The following KLRG1 variants were observed in gnomAD, a reference collection of about 807,000 sequenced individuals.
KLRG1 encodes the protein killer cell lectin like receptor G1.
KLRG1 carries 16 observed loss-of-function variants against 21.8 expected under a neutral mutation model. The ratio of observed to expected loss-of-function variants is 0.73; its 90% CI spans 0.50 to 1.11. KLRG1 has a LOEUF of 1.11. Ranked by LOEUF, KLRG1 falls within the 50% of genes most tolerant of loss-of-function variation. The pLI, the probability that KLRG1 is intolerant of heterozygous loss-of-function variation, is 0.00. For synonymous variants in KLRG1, 69 were observed against 75.9 expected, an observed-to-expected ratio of 0.91 and a Z score of 0.47; for missense variants, 173 against 218.3, an observed-to-expected ratio of 0.79 and a Z score of 1.31.
the KLRG1 span, chr12:9,072,785 C>G: frequency 6.2e-7 from 1 of 1,614,194 alleles, no homozygotes; most frequent in Non-Finnish European, 8.5e-7. Flanking sequence ...TCCCTGAAGA[C>G]TGGATAGTCA....
chr12:8,969,485 C>T (rs751270743), intron 1 of KLRG1, among the ~76,000 whole-genome samples: 3 of 151,796 alleles, frequency 2.0e-5, no homozygotes, highest in East Asian at 1.9e-4. Context: ...GGCTGGCTAC[C>T]GTAGCAGGTG....
chr12:9,134,536 AC>A, the KLRG1 span, among the ~76,000 whole-genome samples: 1 of 152,148 alleles, frequency 6.6e-6, no homozygotes, highest in African/African-American at 2.4e-5. Flanking sequence ...ACCTTGCTTC[AC>A]TGAAATTTTA....
the KLRG1 span, among the ~76,000 whole-genome samples, chr12:9,176,031 C>T: frequency 3.9e-5 from 6 of 152,110 alleles, no homozygotes; most frequent in Admixed American, 2.0e-4. Flanking sequence ...CAGCACTATT[C>T]ACGATAGCAA....
At chr12:9,173,499 C>T in the KLRG1 span, among the ~76,000 whole-genome samples, 1 of 151,790 alleles carries the variant, frequency 6.6e-6, no homozygotes, top group East Asian at 1.9e-4. Flanking sequence ...GAGATAGAGA[C>T]ATGAAAAACC....
intron 3 of KLRG1, among the ~76,000 whole-genome samples, chr12:8,997,184 C>A (rs1360770912): frequency 6.6e-6 from 1 of 152,162 alleles, no homozygotes; most frequent in Non-Finnish European, 1.5e-5. Flanking sequence ...ACTGCATTTC[C>A]AAATTGAGTT....
chr12:9,192,588 G>A, the KLRG1 span: 23 of 1,614,150 alleles, frequency 1.4e-5, no homozygotes, highest in Non-Finnish European at 1.7e-5. Flanking sequence ...GATAGTCTCC[G>A]TGTGGCCACA....
the KLRG1 span, among the ~76,000 whole-genome samples, chr12:9,122,790 T>A: frequency 1.3e-5 from 2 of 152,240 alleles, no homozygotes; most frequent in South Asian, 4.1e-4. Flanking sequence ...TCATTTATTT[T>A]CAAAGCAAGT....
the KLRG1 span, among the ~76,000 whole-genome samples, chr12:9,156,947 T>C: frequency 6.6e-6 from 1 of 152,140 alleles, no homozygotes; most frequent in Non-Finnish European, 1.5e-5. Context: ...TATTTTATTT[T>C]AAGTTCTGGG....
the KLRG1 span, among the ~76,000 whole-genome samples, chr12:9,156,888 TA>T: frequency 1.8e-4 from 28 of 152,184 alleles, no homozygotes; most frequent in Middle Eastern, 3.4e-3. Context: ...GCACAGTTTT[TA>T]AAAAAACTTT....
the KLRG1 span, chr12:9,165,498 G>T: frequency 2.0e-6 from 2 of 977,130 alleles, no homozygotes; most frequent in Non-Finnish European, 3.0e-6. Flanking sequence ...GTGCATTCGT[G>T]TGAACACTAG....
upstream of KLRG1, among the ~76,000 whole-genome samples, chr12:8,986,636 A>G (rs763465348): frequency 6.6e-6 from 1 of 151,062 alleles, no homozygotes; most frequent in South Asian, 2.1e-4. Flanking sequence ...CTCCAAGCTT[A>G]TTTTGTACTT....
intron 3 of KLRG1, among the ~76,000 whole-genome samples, chr12:9,003,858 C>T (rs1343319258): frequency 6.6e-6 from 1 of 152,056 alleles, no homozygotes; most frequent in Non-Finnish European, 1.5e-5. Context: ...CCCCCCTTCC[C>T]CCACCCCACA....
chr12:8,987,075 A>G (rs1450358928), upstream of KLRG1: 3 of 152,212 alleles, frequency 2.0e-5, no homozygotes, highest in South Asian at 2.1e-4. Flanking sequence ...ATTTGGCCTC[A>G]GGTATTTCTT....
chr12:8,992,423 C>T (rs1946999433), intron 2 of KLRG1, 113 bp downstream of exon 2: 2 of 666,788 alleles, frequency 3.0e-6, no homozygotes, highest in African/African-American at 3.7e-5. Context: ...AACTCTCCAT[C>T]TGTATACAGC....
the KLRG1 span, among the ~76,000 whole-genome samples, chr12:9,177,792 G>A: frequency 6.6e-6 from 1 of 152,124 alleles, no homozygotes; most frequent in Non-Finnish European, 1.5e-5. Flanking sequence ...AAACCTTACT[G>A]AAGTGACTGT....
the KLRG1 span, among the ~76,000 whole-genome samples, chr12:9,159,564 A>G: frequency 1.3e-5 from 2 of 152,120 alleles, no homozygotes; most frequent in Non-Finnish European, 2.9e-5. Flanking sequence ...TTAAAGGGCT[A>G]TCATGACAGT....
chr12:9,208,404 G>T, the KLRG1 span: 2 of 1,372,602 alleles, frequency 1.5e-6, no homozygotes, highest in East Asian at 4.7e-5. Context: ...CTGGAGACCA[G>T]CTGAGTTTAC....
the KLRG1 span, among the ~76,000 whole-genome samples, chr12:9,022,364 C>T: frequency 3.3e-5 from 5 of 152,162 alleles, no homozygotes; most frequent in African/African-American, 9.7e-5. Flanking sequence ...AACTCCATTA[C>T]AGTCTTATGG....
the KLRG1 span, chr12:9,151,575 A>T: frequency 1.9e-6 from 3 of 1,591,950 alleles, no homozygotes; most frequent in Non-Finnish European, 2.6e-6. Context: ...ACCCATATGT[A>T]GTCTCAGCCA....
Sources: gnomAD v4.1 joint callset for allele counts (sites outside exome capture counted in the v4.1 genomes callset) on GRCh38, gnomAD v4.1.1 for gene constraint, MANE v1.5 for transcripts, NCBI Gene and HGNC (gene_info 2026-07-23, HGNC 2026-07-21) for gene names.